Variants in SIPA1L1 observed in about 807,000 individuals in gnomAD.
SIPA1L1 encodes signal-induced proliferation-associated 1-like protein 1.
A neutral mutation model predicts 162.7 loss-of-function variants in SIPA1L1; 26 were observed. That is an observed-to-expected ratio of 0.16 (90% CI 0.12 to 0.22). The LOEUF is 0.22. Ranked by LOEUF, SIPA1L1 falls within the 10% of genes least tolerant of loss-of-function variation. SIPA1L1 has a pLI of 1.00. For missense variants in SIPA1L1, 1,874 were observed against 2,241.0 expected (o/e 0.84, Z 3.31); for synonymous variants, 829 against 837.4 (o/e 0.99, Z 0.17).
At chr14:71,580,639 T>C (rs2033795742) in intron 4 of SIPA1L1, among the ~76,000 whole-genome samples, 1 of 152,208 alleles carries the variant, frequency 6.6e-6, no homozygotes, top group Non-Finnish European at 1.5e-5. Context: ...AATTAGGGGA[T>C]TTAGCACAAG....
intron 4 of SIPA1L1, chr14:71,573,398 C>T: frequency 1.1e-5 from 4 of 361,616 alleles, no homozygotes; most frequent in South Asian, 6.2e-5. Context: ...GATGCAGTTC[C>T]TGGCCTGAAG....
chr14:71,514,220 A>G (rs557398669), intron 3 of SIPA1L1, among the ~76,000 whole-genome samples: 1 of 152,234 alleles, frequency 6.6e-6, no homozygotes, highest in Non-Finnish European at 1.5e-5. Flanking sequence ...GGGGTGTTAT[A>G]TGTTAGCATA....
At chr14:71,674,292 G>A (rs2044840386) in intron 12 of SIPA1L1, among the ~76,000 whole-genome samples, 2 of 152,082 alleles carry the variant, frequency 1.3e-5, no homozygotes, top group Non-Finnish European at 2.9e-5. Flanking sequence ...ACTGTGGGTG[G>A]GATGAGACAA....
chr14:71,392,132 C>T (rs540430447), intron 2 of SIPA1L1, among the ~76,000 whole-genome samples: 4 of 152,248 alleles, frequency 2.6e-5, no homozygotes, highest in South Asian at 2.1e-4. Flanking sequence ...GCTTGGGGAG[C>T]GCAGGAAAGC....
At chr14:71,630,782 A>G (rs2148722588) in intron 7 of SIPA1L1, among the ~76,000 whole-genome samples, 1 of 151,982 alleles carries the variant, frequency 6.6e-6, no homozygotes, top group South Asian at 2.1e-4. Flanking sequence ...TTTCTGTTTC[A>G]TTATGCAGTT....
At chr14:71,378,824 A>T (rs571368999) in intron 2 of SIPA1L1, among the ~76,000 whole-genome samples, 99 of 152,132 alleles carry the variant, frequency 6.5e-4, no homozygotes, top group South Asian at 3.5e-3. Context: ...GTATGCCTTC[A>T]TGAATTGTCT....
chr14:71,462,375 G>A (rs1445902186), intron 2 of SIPA1L1, among the ~76,000 whole-genome samples: 5 of 152,200 alleles, frequency 3.3e-5, no homozygotes, highest in African/African-American at 1.2e-4. Flanking sequence ...AGCTTGCACA[G>A]CAGCCTGGAC....
chr14:71,672,609 T>C lies in SIPA1L1; in HGVS notation c.3091T>C (p.Cys1031Arg). 1 of 1,613,680 alleles carries C rather than the reference T, an allele frequency of 6.2e-7. No individual in the cohort carries two copies. The highest frequency in any genetic ancestry group is 8.5e-7 in the Non-Finnish European group (1 of 1,179,588). The change falls in exon 12 of 24, where the codon TGC (cysteine) becomes CGC (arginine). Residue 1031 changes from cysteine to arginine, a missense_variant. Physicochemically the swap from Cys to Arg is radical, Grantham distance 180 (BLOSUM62 -3). Transcript: ENST00000381232. Reference protein sequence around the residue: ...KVVIIPPHDDCTPRRSCSETY... With the variant: ...KVVIIPPHDDRTPRRSCSETY... ...TGTCATCATTCCCCCGCATGATGAC[T>C]GCACCCCGCGGAGGTAGGTCTGAGG...
chr14:71,329,289 C>T (rs1291652281), intron 2 of SIPA1L1, among the ~76,000 whole-genome samples: 1 of 152,086 alleles, frequency 6.6e-6, no homozygotes, highest in Non-Finnish European at 1.5e-5. Flanking sequence ...ATTGCTGGAT[C>T]ATATGATAGT....
At chr14:71,413,761 G>T (rs970960876) in intron 2 of SIPA1L1, among the ~76,000 whole-genome samples, 2 of 152,094 alleles carry the variant, frequency 1.3e-5, no homozygotes, top group African/African-American at 4.8e-5. Context: ...CAATAAATGT[G>T]TATTGAGCTG....
At chr14:71,376,932 T>G (rs1462498293) in intron 2 of SIPA1L1, among the ~76,000 whole-genome samples, 2 of 152,200 alleles carry the variant, frequency 1.3e-5, no homozygotes, top group Non-Finnish European at 2.9e-5. Context: ...TATGTCTACT[T>G]CTTTCTACAC....
At chr14:71,590,818 G>C (rs1397930461) in intron 5 of SIPA1L1, among the ~76,000 whole-genome samples, 2 of 152,080 alleles carry the variant, frequency 1.3e-5, no homozygotes, top group Non-Finnish European at 2.9e-5. Context: ...TTCTTTGTTG[G>C]GGTAGCGTGG....
At chr14:71,649,585 A>G (rs138587427) in intron 7 of SIPA1L1, among the ~76,000 whole-genome samples, 2 of 152,368 alleles carry the variant, frequency 1.3e-5, no homozygotes, top group African/African-American at 4.8e-5. Context: ...CTTTTCAATG[A>G]TGAATAAATG....
chr14:71,703,203 C>T (rs973924389), intron 15 of SIPA1L1, among the ~76,000 whole-genome samples: 1 of 152,212 alleles, frequency 6.6e-6, no homozygotes, highest in African/African-American at 2.4e-5. Flanking sequence ...GTTGGTGCAT[C>T]ATTAACTTGA....
intron 2 of SIPA1L1, among the ~76,000 whole-genome samples, chr14:71,372,977 G>C (rs1316231619): frequency 6.6e-6 from 1 of 152,102 alleles, no homozygotes; most frequent in Admixed American, 6.6e-5. Context: ...AGAATTTCCA[G>C]ATAATCTCCT....
intron 4 of SIPA1L1, among the ~76,000 whole-genome samples, chr14:71,577,891 C>G (rs1409835373): frequency 6.6e-6 from 1 of 152,032 alleles, no homozygotes; most frequent in East Asian, 1.9e-4. Flanking sequence ...ACCACCACGC[C>G]TGGCTAATTT....
intron 5 of SIPA1L1, among the ~76,000 whole-genome samples, chr14:71,599,101 C>G (rs2036401590): frequency 6.7e-6 from 1 of 149,580 alleles, no homozygotes; most frequent in Admixed American, 6.7e-5. Flanking sequence ...ACATAATGAT[C>G]TGCAGTTCCA....
chr14:71,340,538 G>A (rs2035538291), intron 2 of SIPA1L1, among the ~76,000 whole-genome samples: 2 of 152,092 alleles, frequency 1.3e-5, no homozygotes, highest in South Asian at 4.2e-4. Context: ...AACTTGTCTA[G>A]CTTTCAGTTG....
At chr14:71,523,931 C>T (rs1268142335) in intron 3 of SIPA1L1, among the ~76,000 whole-genome samples, 9 of 152,134 alleles carry the variant, frequency 5.9e-5, no homozygotes, top group Non-Finnish European at 1.3e-4. Flanking sequence ...TCAGGCTCAC[C>T]TGATATTTTC....
Sources: gnomAD v4.1 joint callset for allele counts (sites outside exome capture counted in the v4.1 genomes callset) on GRCh38, gnomAD v4.1.1 for gene constraint, MANE v1.5 for transcripts, NCBI Gene and HGNC (gene_info 2026-07-23, HGNC 2026-07-21) for gene names.